The following DPP10 variants were observed in gnomAD, a reference collection of about 807,000 sequenced individuals.
The protein encoded by DPP10 is dipeptidyl peptidase like 10, also known as inactive dipeptidyl peptidase 10.
A neutral mutation model predicts 120.9 loss-of-function variants in DPP10; 33 were observed. That is an observed-to-expected ratio of 0.27 (90% confidence interval 0.21 to 0.37). The LOEUF is 0.37. Among genes scored for constraint, DPP10 ranks in the 10% least tolerant of loss-of-function variants. The pLI is 1.00. For missense variants in DPP10, 816 were observed against 942.8 expected, an observed-to-expected ratio of 0.87 and a Z score of 1.76; for synonymous variants, 337 against 326.1, an observed-to-expected ratio of 1.03 and a Z score of -0.36.
chr2:115,161,949 C>G, intron 1 of DPP10: 1 of 1,438,446 alleles, frequency 7.0e-7, no homozygotes, highest in African/African-American at 1.5e-5. Flanking sequence ...CAGCGCGGGC[C>G]GCCGGCGATG....
At chr2:115,602,121 T>C (rs956191130) in intron 5 of DPP10, among the ~76,000 whole-genome samples, 1 of 152,190 alleles carries the variant, frequency 6.6e-6, no homozygotes, top group Non-Finnish European at 1.5e-5. Flanking sequence ...CCCCACATTG[T>C]AAGCAGAAAC....
At chr2:114,479,726 A>C (rs1489792952) in intron 1 of DPP10, among the ~76,000 whole-genome samples, 1 of 152,210 alleles carries the variant, frequency 6.6e-6, no homozygotes, top group Non-Finnish European at 1.5e-5. Flanking sequence ...AAGATGGTTA[A>C]AGACTTAAAT....
intron 1 of DPP10, among the ~76,000 whole-genome samples, chr2:114,860,351 G>A (rs961172422): frequency 1.3e-5 from 2 of 152,026 alleles, no homozygotes; most frequent in African/African-American, 2.4e-5. Context: ...TCATCTTCAC[G>A]AAGACTCCGT....
At chr2:114,783,245 A>C (rs1682484445) in intron 1 of DPP10, among the ~76,000 whole-genome samples, 1 of 152,170 alleles carries the variant, frequency 6.6e-6, no homozygotes, top group Non-Finnish European at 1.5e-5. Context: ...TAGCTAATAG[A>C]AAAAGGAAAG....
At chr2:115,615,004 A>G (rs943036756) in intron 5 of DPP10, among the ~76,000 whole-genome samples, 1 of 152,214 alleles carries the variant, frequency 6.6e-6, no homozygotes, top group Non-Finnish European at 1.5e-5. Flanking sequence ...CTATGTCCAC[A>G]TGCAGAGGCA....
chr2:115,794,381 G>C (rs1035490925), intron 19 of DPP10, among the ~76,000 whole-genome samples: 4 of 152,144 alleles, frequency 2.6e-5, no homozygotes, highest in African/African-American at 9.7e-5. Flanking sequence ...ACCCAGTTCT[G>C]CTCAATCTTC....
chr2:114,509,041 A>G (rs187044343), intron 1 of DPP10, among the ~76,000 whole-genome samples: 195 of 152,280 alleles, frequency 1.3e-3, no homozygotes, highest in Middle Eastern at 6.8e-3. Flanking sequence ...AGAGAAAGAG[A>G]GAGAGAGTGA....
At chr2:115,494,250 T>C (rs2076278500) in intron 3 of DPP10, among the ~76,000 whole-genome samples, 1 of 152,164 alleles carries the variant, frequency 6.6e-6, no homozygotes, top group Non-Finnish European at 1.5e-5. Flanking sequence ...ACTTTTTTTC[T>C]TTAATCCTTT....
chr2:115,498,000 G>A (rs2148779794), intron 3 of DPP10, among the ~76,000 whole-genome samples: 1 of 152,002 alleles, frequency 6.6e-6, no homozygotes, highest in Non-Finnish European at 1.5e-5. Flanking sequence ...AGTTCAGAAG[G>A]TGATACAGGC....
chr2:114,990,234 T>C (rs1233765357), intron 1 of DPP10, among the ~76,000 whole-genome samples: 1 of 152,184 alleles, frequency 6.6e-6, no homozygotes, highest in East Asian at 1.9e-4. Flanking sequence ...CATGTGGTCA[T>C]AATTTGAACA....
chr2:114,832,245 T>C (rs1338569549), intron 1 of DPP10, among the ~76,000 whole-genome samples: 1 of 152,222 alleles, frequency 6.6e-6, no homozygotes, highest in Non-Finnish European at 1.5e-5. Flanking sequence ...AAGTGTGATC[T>C]GGCCCTGGCC....
chr2:115,379,654 A>C (rs186331227), intron 3 of DPP10, among the ~76,000 whole-genome samples: 1 of 151,850 alleles, frequency 6.6e-6, no homozygotes, highest in East Asian at 1.9e-4. Flanking sequence ...CAGGGTGTCA[A>C]TTTTGGATCT....
intron 1 of DPP10, among the ~76,000 whole-genome samples, chr2:115,110,734 C>T (rs2049172987): frequency 6.6e-6 from 1 of 151,948 alleles, no homozygotes; most frequent in Non-Finnish European, 1.5e-5. Context: ...TTTGTTTCTT[C>T]AGGTAGTTTT....
At chr2:115,143,514 G>A (rs2051042758) in intron 1 of DPP10, among the ~76,000 whole-genome samples, 1 of 152,190 alleles carries the variant, frequency 6.6e-6, no homozygotes. Context: ...TCTGATAAGT[G>A]GATGACTTAC....
intron 1 of DPP10, chr2:114,462,157 A>G (rs1678974469): frequency 1.0e-6 from 1 of 985,146 alleles, no homozygotes; most frequent in African/African-American, 1.7e-5. Context: ...TTCTTTATTA[A>G]AAAATACACA....
chr2:115,636,426 C>A (rs1261418975), intron 5 of DPP10, among the ~76,000 whole-genome samples: 1 of 152,090 alleles, frequency 6.6e-6, no homozygotes, highest in Non-Finnish European at 1.5e-5. Flanking sequence ...TTTTATTAAA[C>A]TGTTTATTTT....
Position 114,692,672 on chromosome 2 carries a change from AG to A in DPP10, c.60+249835del, listed in dbSNP as rs572669882. ...TCTCAATGATCTGTCTAATATTGTC[AG>A]TGAGGTATTAAAGTCTTCCACTATT... On this transcript the variant is annotated intron_variant, in intron 1 of 25. Transcript: ENST00000410059. Among the ~76,000 whole-genome samples, 37 of 152,106 alleles carry A rather than the reference AG, an allele frequency of 2.4e-4. No homozygotes were observed. The South Asian group carries it at 7.5e-3, about 31-fold the overall frequency.
chr2:114,540,813 C>G (rs1017780092), intron 1 of DPP10, among the ~76,000 whole-genome samples: 2 of 152,168 alleles, frequency 1.3e-5, no homozygotes, highest in Non-Finnish European at 2.9e-5. Flanking sequence ...TCTGCTTATA[C>G]GCCTCCTGCT....
At chr2:114,819,377 C>G (rs1685902880) in intron 1 of DPP10, among the ~76,000 whole-genome samples, 1 of 152,058 alleles carries the variant, frequency 6.6e-6, no homozygotes, top group Non-Finnish European at 1.5e-5. Flanking sequence ...TTTCTCATCT[C>G]TAAAATGAGG....
Sources: allele counts gnomAD v4.1 joint callset (sites outside exome capture counted in the v4.1 genomes callset), GRCh38; gene constraint gnomAD v4.1.1; transcripts MANE v1.5; gene names NCBI Gene and HGNC (gene_info 2026-07-23, HGNC 2026-07-21).